The following ISOC1 variants were observed in gnomAD, a reference collection of about 807,000 sequenced individuals.
ISOC1 encodes isochorismatase domain containing 1.
A neutral mutation model predicts 30.0 loss-of-function variants in ISOC1; 33 were observed. The ratio of observed to expected loss-of-function variants is 1.10; its 90% CI spans 0.83 to 1.47. The LOEUF is 1.47. Ranked by LOEUF, ISOC1 falls within the 40% of genes most tolerant of loss-of-function variation. ISOC1 has a pLI of 0.00. For missense variants in ISOC1, 372 were observed against 388.0 expected (o/e 0.96, Z 0.35); for synonymous variants, 178 against 159.8 (o/e 1.11, Z -0.86).
At chr5:129,098,814 T>C (rs1474662881) in intron 1 of ISOC1, among the ~76,000 whole-genome samples, 1 of 152,156 alleles carries the variant, frequency 6.6e-6, no homozygotes, top group African/African-American at 2.4e-5. Flanking sequence ...AGTTTATTAC[T>C]ATTATTATTA....
intron 4 of ISOC1, among the ~76,000 whole-genome samples, chr5:129,108,655 G>T (rs1018023971): frequency 6.6e-6 from 1 of 152,028 alleles, no homozygotes; most frequent in Non-Finnish European, 1.5e-5. Context: ...GGGATTGTAG[G>T]TGCCTGCCAC....
At position 129,094,841 on chromosome 5, in the gene ISOC1, A is replaced by G. The variant is rs778446886; in HGVS notation, c.75A>G (p.Thr25=). The G allele has an allele frequency of 5.1e-6, 8 of 1,561,580 alleles. No individual in the cohort carries two copies. The East Asian group carries it at 1.2e-4, about 23-fold the overall frequency. Residue 25 remains threonine, a synonymous_variant, in exon 1 of 5, where the codon ACA becomes ACG. Coordinates refer to ENST00000173527, the MANE Select transcript of ISOC1 (RefSeq NM_016048.2). ...GAGGAGAPSG[T]VPVLFCFSVF... Reference sequence around the variant, plus strand: ...GGGGCGCGGGGGCGCCGTCGGGCACAGTCCCGGTGCTCTTCTGTTTCTCAG... The same window carrying G: ...GGGGCGCGGGGGCGCCGTCGGGCACGGTCCCGGTGCTCTTCTGTTTCTCAG...
intron 1 of ISOC1, among the ~76,000 whole-genome samples, chr5:129,097,044 G>A (rs1392509723): frequency 1.3e-5 from 2 of 152,030 alleles, no homozygotes; most frequent in African/African-American, 2.4e-5. Context: ...CTTGGTATAG[G>A]AGATTATGTA....
rs537057895 is a variant in ISOC1 at position 129,104,792 on chromosome 5, T to G, written c.310-164T>G. 4.1e-4 allele frequency among the ~76,000 whole-genome samples: 53 copies of G among 129,238 alleles called. 1 individual carries two copies. The South Asian group carries it at 0.011, about 27-fold the overall frequency. The allele number at this position is 129,238 out of a possible 152,430, so 84.8% of individuals were successfully genotyped here. A position where few individuals can be genotyped will look rare whatever the true frequency, so the allele number is the denominator to read the frequency against. ...GCAATTCAGAGAACATCTTTTTGAG[T>G]TTTTTTTTTTCCTGTAATTCAGATA... is the stretch of plus-strand genomic sequence containing the variant. On this transcript the variant is annotated intron_variant, in intron 1 of 4. Transcript: ENST00000173527.
intron 4 of ISOC1, among the ~76,000 whole-genome samples, chr5:129,110,493 T>G (rs1027588288): frequency 6.6e-6 from 1 of 152,192 alleles, no homozygotes; most frequent in Non-Finnish European, 1.5e-5. Context: ...TTGCATTTGC[T>G]AAGCTACACC....
chr5:129,100,965 T>A (rs1753563224), intron 1 of ISOC1, among the ~76,000 whole-genome samples: 1 of 150,924 alleles, frequency 6.6e-6, no homozygotes, highest in South Asian at 2.1e-4. Flanking sequence ...TACAATAAAG[T>A]TGTAAAGATA....
rs183482820 is a variant in ISOC1 at position 129,108,303 on chromosome 5, G to A, written c.750+1241G>A. Reference sequence around the variant, plus strand: ...CCACAGGGTGGTGGGAAGCAGGCAGGTAGCTGGCCACAGCAGGTGTTTTAG... The same window carrying A: ...CCACAGGGTGGTGGGAAGCAGGCAGATAGCTGGCCACAGCAGGTGTTTTAG... On this transcript the variant is annotated intron_variant, in intron 4 of 4. Coordinates refer to ENST00000173527, the MANE Select transcript of ISOC1 (RefSeq NM_016048.2). Among the ~76,000 whole-genome samples the A allele has an allele frequency of 4.6e-5, 7 of 152,300 alleles. No individual in the cohort carries two copies. In the East Asian group the frequency reaches 1.4e-3, roughly 29 times the overall value.
At position 129,113,084 on chromosome 5, in the gene ISOC1, T is replaced by G. The variant is rs1044163369; in HGVS notation, c.*83T>G. 4 of 1,275,422 alleles carry G rather than the reference T, an allele frequency of 3.1e-6. No individual in the cohort carries two copies. The highest frequency in any genetic ancestry group is 5.3e-5 in the Admixed American group (2 of 37,942). The allele number at this position is 1,275,422 out of a possible 1,614,324, so 79.0% of individuals were successfully genotyped here. A position where few individuals can be genotyped will look rare whatever the true frequency, so the allele number is the denominator to read the frequency against. ...TAAGCCCACACAAGCTCTTCTTATC[T>G]CTACTAGAATTAAAATGTTAAGTCA... is the stretch of plus-strand genomic sequence containing the variant. On this transcript the variant is annotated 3_prime_UTR_variant, in exon 5 of 5. Transcript: ENST00000173527.
chr5:129,110,984 TG>T (rs1753699605), intron 4 of ISOC1, among the ~76,000 whole-genome samples: 1 of 152,116 alleles, frequency 6.6e-6, no homozygotes, highest in Non-Finnish European at 1.5e-5. Context: ...CAGCTGGTGA[TG>T]GGGAGAGCTG....
Position 129,107,060 on chromosome 5 carries a change from G to T in ISOC1, c.748G>T (p.Glu250Ter). 6.2e-7 allele frequency: 1 copy of T among 1,609,896 alleles called. No individual in the cohort carries two copies. The highest frequency in any genetic ancestry group is 2.2e-5 in the East Asian group (1 of 44,814). ...CATGATGGACAGGATGTTTGCCCTC[G>T]AGGTAATTGTCCTGCTTGGGAATAG... is the stretch of plus-strand genomic sequence containing the variant. ...RSMMDRMFAL[E>*]RLARTGIIVT... The change falls in exon 4 of 5, where the codon GAG becomes TAG. Residue 250 changes from glutamate (E) to a stop codon, truncating the protein, a stop_gained and splice_region_variant. Coordinates refer to ENST00000173527, the MANE Select transcript of ISOC1 (RefSeq NM_016048.2). LOFTEE classifies it high-confidence loss of function.
intron 4 of ISOC1, among the ~76,000 whole-genome samples, chr5:129,110,061 CTT>C (rs1260434150): frequency 2.0e-5 from 3 of 152,188 alleles, no homozygotes; most frequent in Non-Finnish European, 4.4e-5. Flanking sequence ...AAAATCCTCT[CTT>C]GACCTTGATG....
In ISOC1 at chr5:129,113,360, G is replaced by C. The variant is rs1164598213; in HGVS notation, c.*359G>C. 6.1e-6 allele frequency: 1 copy of C among 163,976 alleles called. No individual in the cohort carries two copies. The allele number at this position is 163,976 out of a possible 1,614,324, so 10.2% of individuals were successfully genotyped here. ...AATTGTTCACTTTAAAGAAAATGAC[G>C]TACCAACAATGATTTGGCTTTTATA... On this transcript the variant is annotated 3_prime_UTR_variant, in exon 5 of 5. Transcript: ENST00000173527.
At chr5:129,110,184 G>A (rs1440422985) in intron 4 of ISOC1, among the ~76,000 whole-genome samples, 2 of 152,142 alleles carry the variant, frequency 1.3e-5, no homozygotes, top group African/African-American at 4.8e-5. Flanking sequence ...TTTTAGGTTT[G>A]TGGGTCAGAG....
intron 4 of ISOC1, among the ~76,000 whole-genome samples, chr5:129,108,687 T>G (rs1285454835): frequency 1.3e-5 from 2 of 152,094 alleles, no homozygotes; most frequent in African/African-American, 2.4e-5. Context: ...AATTTTTGTA[T>G]TTTTAGTAGA....
intron 1 of ISOC1, 102 bp from the exon 2 acceptor site, chr5:129,104,854 G>T: frequency 2.6e-6 from 3 of 1,137,428 alleles, no homozygotes; most frequent in South Asian, 1.7e-5. Flanking sequence ...TTGACTTACT[G>T]GCTCAAACAA....
rs767476464 is a variant in ISOC1 at position 129,094,812 on chromosome 5, G to C, written c.46G>C (p.Ala16Pro). The change falls in exon 1 of 5, where the codon GCC becomes CCC. Residue 16 changes from alanine (A) to proline (P), a missense_variant. Physicochemically the swap from Ala to Pro is conservative, Grantham distance 27. Transcript: ENST00000173527. The part of the protein sequence containing the change: ...PAVLALPNSG[A>P]GGAGAPSGTV... ...GGTCCTTGCGCTCCCCAACAGCGGCGCCGGGGGCGCGGGGGCGCCGTCGGG... is the reference window on the plus strand; with the variant it reads ...GGTCCTTGCGCTCCCCAACAGCGGCCCCGGGGGCGCGGGGGCGCCGTCGGG... 6 of 1,537,022 alleles carry C rather than the reference G, an allele frequency of 3.9e-6. No homozygotes were observed. The South Asian group carries it at 7.2e-5, about 18-fold the overall frequency.
At chr5:129,095,470 G>A (rs1753484847) in intron 1 of ISOC1, among the ~76,000 whole-genome samples, 1 of 152,216 alleles carries the variant, frequency 6.6e-6, no homozygotes, top group African/African-American at 2.4e-5. Context: ...AGAATGGGGG[G>A]AAATGAGATT....
intron 4 of ISOC1, among the ~76,000 whole-genome samples, chr5:129,108,476 T>G (rs529830864): frequency 3.3e-5 from 5 of 152,302 alleles, no homozygotes; most frequent in South Asian, 2.1e-4. Context: ...TATTGCTGCT[T>G]CTTCCAATCT....
intron 1 of ISOC1, among the ~76,000 whole-genome samples, chr5:129,100,428 T>C (rs1035208527): frequency 6.6e-6 from 1 of 152,162 alleles, no homozygotes; most frequent in Non-Finnish European, 1.5e-5. Context: ...TATATATTTG[T>C]ATATGTATCA....
Sources: allele counts gnomAD v4.1 joint callset (sites outside exome capture counted in the v4.1 genomes callset), GRCh38; gene constraint gnomAD v4.1.1; transcripts MANE v1.5; gene names NCBI Gene and HGNC (gene_info 2026-07-23, HGNC 2026-07-21).